Variants in APC observed in about 807,000 individuals in gnomAD.
APC encodes adenomatous polyposis coli protein.
APC carries 72 observed loss-of-function variants against 247.0 expected under a neutral mutation model. The ratio of observed to expected loss-of-function variants is 0.29; its 90% confidence interval spans 0.24 to 0.35. The LOEUF is 0.35. Ranked by LOEUF, APC falls within the 10% of genes least tolerant of loss-of-function variation. The pLI is 1.00. For synonymous variants in APC, 1,254 were observed against 1,162.5 expected (o/e 1.08, Z -1.60); for missense variants, 3,400 against 3,360.7 (o/e 1.01, Z -0.29).
At chr5:112,778,131 TTACTC>T in intron 5 of APC, 1 of 211,078 alleles carries the variant, frequency 4.7e-6, no homozygotes. Context: ...TTCATCTTTT[TTACTC>T]TTTCCATTCT....
At position 112,841,337 on chromosome 5, in the gene APC, A is replaced by G. The variant is rs587778031; in HGVS notation, c.5743A>G (p.Lys1915Glu). The stretch of plus-strand genomic sequence containing the variant: ...AGCTAATAAGACACAAGCTATTGCA[A>G]AGCAGCCAATAAATCGAGGTCAGCC... ...QSANKTQAIA[K>E]QPINRGQPKP... Residue 1915 changes from lysine to glutamate, a missense_variant, in exon 16 of 16, where the codon AAG becomes GAG. Physicochemically the swap from Lys to Glu is moderately conservative, Grantham distance 56. Coordinates refer to ENST00000257430, the MANE Select transcript of APC (RefSeq NM_000038.6). The surrounding 1 kb of genome is among the most constrained non-coding windows in gnomAD (Gnocchi z 4.6). The G allele has an allele frequency of 2.5e-6, 4 of 1,614,004 alleles. No homozygotes were observed. The highest frequency in any genetic ancestry group is 3.4e-6 in the Non-Finnish European group (4 of 1,179,922).
At chr5:112,803,392 G>T (rs1477985092) in intron 8 of APC, among the ~76,000 whole-genome samples, 2 of 152,130 alleles carry the variant, frequency 1.3e-5, no homozygotes, top group Non-Finnish European at 2.9e-5. Flanking sequence ...ATCGTAAAAT[G>T]GTTAAATTAT....
intron 2 of APC, among the ~76,000 whole-genome samples, chr5:112,763,364 T>G (rs542957452): frequency 0.12 from 2,764 of 23,536 alleles, 40 homozygotes; most frequent in African/African-American, 0.14. Context: ...TTTTGCAGGT[T>G]TTTTTTTTCT....
intron 14 of APC, among the ~76,000 whole-genome samples, chr5:112,831,344 T>A (rs1361983909): frequency 6.6e-6 from 1 of 152,188 alleles, no homozygotes; most frequent in East Asian, 1.9e-4. Context: ...CCTGACCTCA[T>A]GACCCGCCTG....
intron 4 of APC, among the ~76,000 whole-genome samples, chr5:112,771,453 A>T (rs2149802689): frequency 6.6e-6 from 1 of 151,932 alleles, no homozygotes; most frequent in East Asian, 1.9e-4. Flanking sequence ...GGTGTTCTTG[A>T]CTCTTGCTGT....
rs200742564 is a variant in APC at position 112,841,066 on chromosome 5, T to C, written c.5472T>C (p.Asn1824=). ...TGAAAAATAATTCCAAGGTCTTCAA[T>C]GATAAGCTCCCAAATAATGAAGATA... ...QNLKNNSKVF[N]DKLPNNEDRV... is the part of the protein sequence containing the mutation. The change falls in exon 16 of 16, where the codon AAT becomes AAC. Residue 1824 remains asparagine, a synonymous_variant. Transcript: ENST00000257430. The surrounding 1 kb of genome is among the most constrained non-coding windows in gnomAD (Gnocchi z 4.6). The C allele has an allele frequency of 1.1e-5, 18 of 1,612,638 alleles. No homozygotes were observed. The highest frequency in any genetic ancestry group is 2.7e-5 in the African/African-American group (2 of 75,004).
chr5:112,784,372 TTG>T (rs1165882598), intron 6 of APC, among the ~76,000 whole-genome samples: 1 of 152,194 alleles, frequency 6.6e-6, no homozygotes, highest in East Asian at 1.9e-4. Context: ...CCAGCCAACA[TTG>T]TCTGCCCTGT....
chr5:112,841,999 C>T lies in APC; in HGVS notation c.6405C>T (p.Ile2135=), dbSNP rs2149964138. The T allele has an allele frequency of 1.9e-6, 3 of 1,612,928 alleles. No homozygotes were observed. Among genetic ancestry groups the T allele is most frequent in the Middle Eastern group, 1.7e-4 (1 of 6,058 alleles). Residue 2135 remains isoleucine (I), a synonymous_variant, in exon 16 of 16, where the codon ATC becomes ATT. Transcript: ENST00000257430. The surrounding 1 kb of genome is among the most constrained non-coding windows in gnomAD (Gnocchi z 4.6). ...AAGCTTCGTCTGATTCAGATTCCAT[C>T]CTTTCCCTGAAATCAGGAATCTCTC... ...SRQASSDSDS[I]LSLKSGISLG...
Position 112,815,580 on chromosome 5 carries a change from A to G in APC, c.920A>G (p.His307Arg). ...TCTGCACCTCGAAGGCTGACAAGTCATCTGGGAACCAAGGTAACAGAAGAT... is the reference window on the plus strand; with the variant it reads ...TCTGCACCTCGAAGGCTGACAAGTCGTCTGGGAACCAAGGTAACAGAAGAT... Reference protein sequence around the residue: ...THSAPRRLTSHLGTKVEMVYS... With the variant: ...THSAPRRLTSRLGTKVEMVYS... The change falls in exon 9 of 16, where the codon CAT becomes CGT. Residue 307 changes from histidine (H) to arginine (R), a missense_variant. Around this residue, in one of 9 missense-constraint regions of APC, gnomAD observed 372 missense variants for 367.6 expected, o/e 1.01. Transcript: ENST00000257430. The G allele has an allele frequency of 1.2e-6, 2 of 1,611,002 alleles. No homozygotes were observed. Among genetic ancestry groups the G allele is most frequent in the Non-Finnish European group, 1.7e-6 (2 of 1,177,900 alleles).
rs766394131 is a variant in APC, at chr5:112,838,821, C to G, written c.3227C>G (p.Pro1076Arg). 16 of 1,614,142 alleles carry G rather than the reference C, an allele frequency of 9.9e-6. No individual in the cohort carries two copies. The highest frequency in any genetic ancestry group is 1.2e-5 in the Non-Finnish European group (14 of 1,180,034). ...RQSRNQSTTY[P>R]VYTESTDDKH... ...TCAAGGAATCAAAGTACAACTTATC[C>G]TGTTTATACTGAGAGCACTGATGAT... The change falls in exon 16 of 16, where the codon CCT becomes CGT. Residue 1076 changes from proline to arginine, a missense_variant. Physicochemically the swap from Pro to Arg is moderately radical, Grantham distance 103. This residue lies in a region of APC where 715 missense variants were observed against 656.6 expected (regional missense o/e 1.09). Coordinates refer to ENST00000257430, the MANE Select transcript of APC (RefSeq NM_000038.6).
chr5:112,767,497 T>TA (rs1368696395), intron 4 of APC, 107 bp downstream of exon 4: 1 of 882,278 alleles, frequency 1.1e-6, no homozygotes, highest in African/African-American at 1.7e-5. Context: ...AGCTAACACT[T>TA]AGAGCATTTT....
intron 4 of APC, among the ~76,000 whole-genome samples, chr5:112,770,345 C>G (rs1470461705): frequency 6.6e-6 from 1 of 152,120 alleles, no homozygotes; most frequent in Non-Finnish European, 1.5e-5. Flanking sequence ...TATAATACCA[C>G]TGTAAGTAAC....
intron 1 of APC, among the ~76,000 whole-genome samples, chr5:112,727,147 C>T (rs1416994753): frequency 6.6e-6 from 1 of 151,564 alleles, no homozygotes; most frequent in African/African-American, 2.4e-5. Context: ...CAAGAGGTTT[C>T]CAATTTGATT....
In APC at chr5:112,827,248, G is replaced by A. The variant is rs1114167599; in HGVS notation, c.1548+1G>A. 1 of 1,613,686 alleles carries A rather than the reference G, an allele frequency of 6.2e-7. No homozygotes were observed. Reference sequence around the variant, plus strand: ...GACTTTTGGAGATGTAGCCAACAAGGTATGTTTTTATAACATGTATTTCTT... The same window carrying A: ...GACTTTTGGAGATGTAGCCAACAAGATATGTTTTTATAACATGTATTTCTT... On this transcript the variant is annotated splice_donor_variant, in intron 12 of 15. Coordinates refer to ENST00000257430, the MANE Select transcript of APC (RefSeq NM_000038.6). LOFTEE classifies it high-confidence loss of function.
intron 7 of APC, among the ~76,000 whole-genome samples, chr5:112,795,139 G>T (rs1027950828): frequency 6.6e-6 from 1 of 152,168 alleles, no homozygotes; most frequent in Non-Finnish European, 1.5e-5. Context: ...CGATTCTCCT[G>T]CCTCAGCCTC....
chr5:112,786,701 T>TA (rs1455534122), intron 6 of APC, among the ~76,000 whole-genome samples: 2 of 152,120 alleles, frequency 1.3e-5, no homozygotes, highest in African/African-American at 2.4e-5. Context: ...CCCTAAAACT[T>TA]AAAGTATTAA....
chr5:112,815,610 A>C lies in APC; in HGVS notation c.933+17A>C, dbSNP rs373881194. The C allele has an allele frequency of 1.9e-6, 3 of 1,591,624 alleles. No individual in the cohort carries two copies. In the African/African-American group the frequency reaches 4.0e-5, roughly 21 times the overall value. Reference sequence around the variant, plus strand: ...GGAACCAAGGTAACAGAAGATTACAAACCCTGGTCACTAATGCCATGACTA... The same window carrying C: ...GGAACCAAGGTAACAGAAGATTACACACCCTGGTCACTAATGCCATGACTA... On this transcript the variant is annotated intron_variant, in intron 9 of 15. Coordinates refer to ENST00000257430, the MANE Select transcript of APC (RefSeq NM_000038.6).
At chr5:112,830,515 C>T (rs1256853402) in intron 14 of APC, among the ~76,000 whole-genome samples, 1 of 152,214 alleles carries the variant, frequency 6.6e-6, no homozygotes, top group African/African-American at 2.4e-5. Flanking sequence ...GTTAAACATA[C>T]ACCTGCCATA....
intron 7 of APC, among the ~76,000 whole-genome samples, chr5:112,795,681 TTAATC>T (rs1175497980): frequency 6.6e-5 from 10 of 152,206 alleles, no homozygotes; most frequent in Non-Finnish European, 1.5e-4. Flanking sequence ...ATTCTAGCCT[TTAATC>T]AAAGTGTTAA....
Sources: gnomAD v4.1 joint callset for allele counts (sites outside exome capture counted in the v4.1 genomes callset) on GRCh38, gnomAD v4.1.1 for gene constraint, gnomAD v4.1.1 regional missense constraint, Gnocchi (gnomAD v3.1) non-coding constraint, MANE v1.5 for transcripts, NCBI Gene and HGNC (gene_info 2026-07-23, HGNC 2026-07-21) for gene names.